The following HSPBP1 variants were observed in gnomAD, a reference collection of about 807,000 sequenced individuals.
HSPBP1 encodes hsp70-binding protein 1.
A neutral mutation model predicts 41.7 loss-of-function variants in HSPBP1; 31 were observed. The ratio of observed to expected loss-of-function variants is 0.74; its 90% CI spans 0.56 to 1.00. The LOEUF (loss-of-function observed/expected upper bound fraction) is 1.00, where lower values mean the gene tolerates loss of function less well. Among genes scored for constraint, HSPBP1 ranks in the 50% least tolerant of loss-of-function variants. The pLI is 0.00. For missense variants in HSPBP1, 439 were observed against 487.9 expected (o/e 0.90, Z 0.94); for synonymous variants, 199 against 214.4 (o/e 0.93, Z 0.63).
chr19:55,279,353 T>G (rs773877836), intron 2 of HSPBP1, 46 bp downstream of exon 2: 3 of 1,522,490 alleles, frequency 2.0e-6, no homozygotes, highest in African/African-American at 2.8e-5. Flanking sequence ...CAACTCTATC[T>G]GTCCCCAGGC....
chr19:55,262,563 A>G lies in HSPBP1; in HGVS notation c.*45T>C. The G allele has an allele frequency of 6.2e-7, 1 of 1,607,606 alleles. No individual in the cohort carries two copies. The highest frequency in any genetic ancestry group is 8.5e-7 in the Non-Finnish European group (1 of 1,176,816). On this transcript the variant is annotated 3_prime_UTR_variant, in exon 8 of 8. Transcript: ENST00000433386. The stretch of plus-strand genomic sequence containing the variant: ...CCTTGTAGGTGGGGAGGGAGGCAAG[A>G]GGCCTGGGGTTCCCACGGAGAAGGG...
chr19:55,262,457 G>T lies in HSPBP1; in HGVS notation c.*151C>A. On this transcript the variant is annotated 3_prime_UTR_variant, in exon 8 of 8. Coordinates refer to ENST00000433386, the MANE Select transcript of HSPBP1 (RefSeq NM_012267.5). ...CCAAGGAGCTGGTGCCTTTCTCAGC[G>T]CCCCTTCCAGGGACTGCACAGAGAC... is the stretch of plus-strand genomic sequence containing the variant. 2.1e-6 allele frequency: 3 copies of T among 1,430,422 alleles called. No homozygotes were observed. Among genetic ancestry groups the T allele is most frequent in the Non-Finnish European group, 2.7e-6 (3 of 1,092,236 alleles). 88.6% of individuals were successfully genotyped at this position (1,430,422 alleles called of 1,614,324 possible).
rs994295988 is a variant in HSPBP1, at chr19:55,266,544, C to A, written c.641-258G>T. On this transcript the variant is annotated intron_variant, in intron 4 of 7. Transcript: ENST00000433386. ...ATCACCACCACCATCATCACCATGA[C>A]ATCACCAACATCACCATCACTATCA... 6.8e-3 allele frequency among the ~76,000 whole-genome samples: 3 copies of A among 444 alleles called. No homozygotes were observed. The South Asian group carries it at 0.11, about 16-fold the overall frequency. 0.3% of individuals were successfully genotyped at this position (444 alleles called of 152,430 possible).
rs2087901038 is a variant in HSPBP1, at chr19:55,270,708, C to T, written c.640+3690G>A. Reference sequence around the variant, plus strand: ...CCACACACGACACACTCCACATAAGCACACACCACACACCCCGTATACACA... The same window carrying T: ...CCACACACGACACACTCCACATAAGTACACACCACACACCCCGTATACACA... On this transcript the variant is annotated intron_variant, in intron 4 of 7. Transcript: ENST00000433386. This position sits in a 1 kb window ranked among gnomAD's most constrained non-coding sequence, Gnocchi z 5.4. Among the ~76,000 whole-genome samples, 1 of 151,816 alleles carries T rather than the reference C, an allele frequency of 6.6e-6. No homozygotes were observed. The highest frequency in any genetic ancestry group is 1.5e-5 in the Non-Finnish European group (1 of 67,936).
At chr19:55,276,286 G>A (rs533821236) in intron 3 of HSPBP1, among the ~76,000 whole-genome samples, 1 of 152,172 alleles carries the variant, frequency 6.6e-6, no homozygotes, top group Admixed American at 6.5e-5. Flanking sequence ...GACCGGGGGA[G>A]GGCCGGCCTA....
chr19:55,262,799 C>G, intron 7 of HSPBP1, 117 bp from the exon 8 acceptor site: 3 of 868,264 alleles, frequency 3.5e-6, no homozygotes, highest in Non-Finnish European at 5.5e-6. Flanking sequence ...CCCACTCCCC[C>G]CCACCAGAGG....
intron 4 of HSPBP1, among the ~76,000 whole-genome samples, 155 bp from the exon 5 acceptor site, chr19:55,266,441 AT>A (rs2087783117): frequency 7.3e-6 from 1 of 136,188 alleles, no homozygotes; most frequent in Non-Finnish European, 1.6e-5. Context: ...CATCATCACC[AT>A]TCTCATCCTC....
rs188804078 is a variant in HSPBP1, at chr19:55,262,399, C to T, written c.*209G>A. 2.8e-5 allele frequency: 39 copies of T among 1,391,052 alleles called. No homozygotes were observed. Among genetic ancestry groups the T allele is most frequent in the East Asian group, 5.3e-5 (2 of 37,702 alleles). 86.2% of individuals were successfully genotyped at this position (1,391,052 alleles called of 1,614,324 possible). ...TGGAAGAGCTGTGTGGACAAGAGAA[C>T]GGGGATGAGAGTGAGAGCATGGGAG... On this transcript the variant is annotated 3_prime_UTR_variant, in exon 8 of 8. Coordinates refer to ENST00000433386, the MANE Select transcript of HSPBP1 (RefSeq NM_012267.5).
At chr19:55,274,661 G>A in intron 3 of HSPBP1, 39 bp from the exon 4 acceptor site, 1 of 1,550,224 alleles carries the variant, frequency 6.5e-7, no homozygotes, top group East Asian at 2.3e-5. Context: ...CCAGATGTTA[G>A]GGACTGAACC....
At chr19:55,271,571 T>TC (rs1382442309) in intron 4 of HSPBP1, among the ~76,000 whole-genome samples, 1 of 152,094 alleles carries the variant, frequency 6.6e-6, no homozygotes, top group Non-Finnish European at 1.5e-5. Flanking sequence ...AATGCTTCCT[T>TC]CTTCCGGAAT....
chr19:55,278,569 A>C (rs2088138696), intron 2 of HSPBP1, among the ~76,000 whole-genome samples: 1 of 152,154 alleles, frequency 6.6e-6, no homozygotes, highest in African/African-American at 2.4e-5. Flanking sequence ...AGAAAGGTTG[A>C]GACTTACCCA....
chr19:55,266,334 CTGT>C (rs2087775378), intron 4 of HSPBP1, 48 bp from the exon 5 acceptor site: 1 of 1,519,078 alleles, frequency 6.6e-7, no homozygotes, highest in Non-Finnish European at 8.9e-7. Context: ...ACCACCACCA[CTGT>C]CATCACAAGC....
At chr19:55,264,188 C>T (rs970304100) in intron 7 of HSPBP1, among the ~76,000 whole-genome samples, 3 of 152,020 alleles carry the variant, frequency 2.0e-5, no homozygotes, top group African/African-American at 7.2e-5. Context: ...AGGCTGGTCT[C>T]GAACTCCTGA....
Position 55,262,535 on chromosome 19 carries a change from G to C in HSPBP1, c.*73C>G. The C allele has an allele frequency of 6.3e-7, 1 of 1,587,780 alleles. No homozygotes were observed. Among genetic ancestry groups the C allele is most frequent in the African/African-American group, 1.3e-5 (1 of 74,466 alleles). Reference sequence around the variant, plus strand: ...CTAGGCCCTGCGATCCCTTGGGAGAGGGCCTTGTAGGTGGGGAGGGAGGCA... The same window carrying C: ...CTAGGCCCTGCGATCCCTTGGGAGACGGCCTTGTAGGTGGGGAGGGAGGCA... On this transcript the variant is annotated 3_prime_UTR_variant, in exon 8 of 8. Coordinates refer to ENST00000433386, the MANE Select transcript of HSPBP1 (RefSeq NM_012267.5).
chr19:55,271,625 A>G (rs578087743), intron 4 of HSPBP1, among the ~76,000 whole-genome samples: 1 of 152,272 alleles, frequency 6.6e-6, no homozygotes, highest in Non-Finnish European at 1.5e-5. Context: ...CAGCCTCTGC[A>G]TGGCTGGGGC....
At position 55,274,309 on chromosome 19, in the gene HSPBP1, C is replaced by T. The variant is rs905429359; in HGVS notation, c.640+89G>A. 7.8e-6 allele frequency: 9 copies of T among 1,159,626 alleles called. No individual in the cohort carries two copies. In the African/African-American group the frequency reaches 1.1e-4, roughly 14 times the overall value. 71.8% of individuals were successfully genotyped at this position (1,159,626 alleles called of 1,614,324 possible). A position where few individuals can be genotyped will look rare whatever the true frequency, so the allele number is the denominator to read the frequency against. On this transcript the variant is annotated intron_variant, in intron 4 of 7. Coordinates refer to ENST00000433386, the MANE Select transcript of HSPBP1 (RefSeq NM_012267.5). ...GAACAAACGAGGGAAGGAGATGCCT[C>T]TCCCTCTGCCCCAGCAGATCCCGGG...
chr19:55,279,784 A>T, intron 1 of HSPBP1, 82 bp from the exon 2 acceptor site: 1 of 1,457,732 alleles, frequency 6.9e-7, no homozygotes, highest in Non-Finnish European at 9.2e-7. Context: ...ACTTAACCAC[A>T]GCCCCTTTTC....
Position 55,279,659 on chromosome 19 carries a change from C to T in HSPBP1, c.-51G>A, listed in dbSNP as rs1266385631. ...TGTGTTAGAGGGAGAAGGTGGTCAC[C>T]GCTGAAGCAGCTCTGGCGTCCTGAT... On this transcript the variant is annotated 5_prime_UTR_variant, in exon 2 of 8. Coordinates refer to ENST00000433386, the MANE Select transcript of HSPBP1 (RefSeq NM_012267.5). 6.5e-7 allele frequency: 1 copy of T among 1,548,230 alleles called. No individual in the cohort carries two copies.
intron 7 of HSPBP1, among the ~76,000 whole-genome samples, chr19:55,263,607 C>A (rs2087700649): frequency 6.6e-6 from 1 of 152,168 alleles, no homozygotes; most frequent in Non-Finnish European, 1.5e-5. Flanking sequence ...AAGAGCCCAT[C>A]CGCACTGTAC....
Sources: allele counts gnomAD v4.1 joint callset (sites outside exome capture counted in the v4.1 genomes callset), GRCh38; gene constraint gnomAD v4.1.1; non-coding constraint Gnocchi (gnomAD v3.1); transcripts MANE v1.5; gene names NCBI Gene and HGNC (gene_info 2026-07-23, HGNC 2026-07-21).